The following XPR1 variants were observed in gnomAD, a reference collection of about 807,000 sequenced individuals.
The protein encoded by XPR1 is solute carrier family 53 member 1.
XPR1 carries 28 observed loss-of-function variants against 87.5 expected under a neutral mutation model. The observed-to-expected ratio is 0.32, with a 90% CI of 0.24 to 0.44. The LOEUF (loss-of-function observed/expected upper bound fraction) is 0.44, where lower values mean the gene tolerates loss of function less well. Among genes scored for constraint, XPR1 ranks in the 20% least tolerant of loss-of-function variants. The pLI is 1.00. For missense variants in XPR1, 559 were observed against 862.3 expected (o/e 0.65, Z 4.41); for synonymous variants, 300 against 306.1 (o/e 0.98, Z 0.21).
intron 2 of XPR1, among the ~76,000 whole-genome samples, chr1:180,774,854 T>C (rs1450387056): frequency 2.0e-5 from 3 of 152,210 alleles, no homozygotes; most frequent in African/African-American, 7.2e-5. Flanking sequence ...TTATTTCTCA[T>C]AGTTCTGGAG....
intron 2 of XPR1, among the ~76,000 whole-genome samples, chr1:180,739,137 C>A (rs1021653133): frequency 6.6e-6 from 1 of 152,126 alleles, no homozygotes; most frequent in Non-Finnish European, 1.5e-5. Context: ...GAGTCTCTCT[C>A]CCTTCTCCTT....
At chr1:180,659,365 TTCCGTCC>T (rs1655672879) in intron 1 of XPR1, among the ~76,000 whole-genome samples, 1 of 93,854 alleles carries the variant, frequency 1.1e-5, no homozygotes, top group Non-Finnish European at 2.2e-5. Context: ...CCTTCCGTCC[TTCCGTCC>T]GTCCTTCCGT....
intron 7 of XPR1, among the ~76,000 whole-genome samples, chr1:180,811,756 C>G (rs377360686): frequency 6.0e-4 from 91 of 152,108 alleles, no homozygotes; most frequent in African/African-American, 2.1e-3. Context: ...TATATAACTT[C>G]TATATAATTT....
At chr1:180,883,147 T>C (rs928107738) in intron 14 of XPR1, among the ~76,000 whole-genome samples, 1 of 149,992 alleles carries the variant, frequency 6.7e-6, no homozygotes, top group Non-Finnish European at 1.5e-5. Flanking sequence ...TTTTTTTTTT[T>C]TTAAGACAGG....
chr1:180,864,521 AAGGAGAAGGAGTGGCTG>A (rs1168602071), intron 12 of XPR1, among the ~76,000 whole-genome samples: 1 of 152,170 alleles, frequency 6.6e-6, no homozygotes, highest in Admixed American at 6.5e-5. Context: ...TGAAAAGACA[AAGGAGAAGGAGTGGCTG>A]ACTCTGCTTG....
At chr1:180,760,085 A>G (rs1228089888) in intron 2 of XPR1, among the ~76,000 whole-genome samples, 1 of 152,236 alleles carries the variant, frequency 6.6e-6, no homozygotes, top group Non-Finnish European at 1.5e-5. Context: ...AAAAACGCTC[A>G]ATAAAGTAGG....
intron 1 of XPR1, among the ~76,000 whole-genome samples, chr1:180,639,474 A>G (rs998323990): frequency 5.3e-5 from 8 of 152,238 alleles, no homozygotes; most frequent in Admixed American, 1.3e-4. Flanking sequence ...AAGACCTTGG[A>G]CCAGAAACCA....
At chr1:180,723,129 G>A (rs1183598107) in intron 2 of XPR1, among the ~76,000 whole-genome samples, 8 of 151,890 alleles carry the variant, frequency 5.3e-5, no homozygotes, top group East Asian at 1.9e-4. Context: ...TCCCCGTTTC[G>A]GCTTTGTTTG....
chr1:180,652,612 T>C (rs1425417894), intron 1 of XPR1, among the ~76,000 whole-genome samples: 2 of 152,238 alleles, frequency 1.3e-5, no homozygotes, highest in Admixed American at 6.5e-5. Context: ...AATAAATCAC[T>C]TATTTGAAAT....
chr1:180,752,139 A>G (rs1647557926), intron 2 of XPR1, among the ~76,000 whole-genome samples: 1 of 152,156 alleles, frequency 6.6e-6, no homozygotes, highest in East Asian at 1.9e-4. Context: ...TTATGGCATG[A>G]ATTGACACTC....
At chr1:180,848,974 G>A (rs1398557433) in intron 11 of XPR1, among the ~76,000 whole-genome samples, 1 of 152,138 alleles carries the variant, frequency 6.6e-6, no homozygotes, top group African/African-American at 2.4e-5. Context: ...TAGGTGCCAA[G>A]GAGATGTTTG....
At chr1:180,825,863 C>T (rs1234770300) in intron 9 of XPR1, among the ~76,000 whole-genome samples, 1 of 152,156 alleles carries the variant, frequency 6.6e-6, no homozygotes, top group Non-Finnish European at 1.5e-5. Context: ...CCAGCCTGAC[C>T]AACATGGTGA....
At chr1:180,739,980 G>A (rs1658864095) in intron 2 of XPR1, among the ~76,000 whole-genome samples, 1 of 151,986 alleles carries the variant, frequency 6.6e-6, no homozygotes, top group Admixed American at 6.6e-5. Context: ...CCAAAGTGCT[G>A]GGATTACAGG....
chr1:180,811,166 T>G (rs991390060), intron 6 of XPR1, among the ~76,000 whole-genome samples: 2 of 152,148 alleles, frequency 1.3e-5, no homozygotes, highest in African/African-American at 4.8e-5. Flanking sequence ...ATGCCTAAGA[T>G]TATAATCTTG....
intron 2 of XPR1, among the ~76,000 whole-genome samples, chr1:180,780,570 C>A (rs994297326): frequency 4.0e-5 from 6 of 151,834 alleles, no homozygotes; most frequent in African/African-American, 1.5e-4. Flanking sequence ...GCAAGAGTTC[C>A]ATCCTGGCTA....
chr1:180,711,276 A>T (rs1202477917), intron 2 of XPR1, among the ~76,000 whole-genome samples: 1 of 152,130 alleles, frequency 6.6e-6, no homozygotes, highest in Non-Finnish European at 1.5e-5. Flanking sequence ...TGGGAGGTGG[A>T]GGTTGTAGCC....
chr1:180,768,052 G>A (rs765761907), intron 2 of XPR1, among the ~76,000 whole-genome samples: 19 of 152,014 alleles, frequency 1.2e-4, no homozygotes, highest in Non-Finnish European at 2.6e-4. Flanking sequence ...CACTGTGTTA[G>A]CCAGGATGGT....
chr1:180,882,155 G>T (rs1652867378), intron 14 of XPR1, among the ~76,000 whole-genome samples: 1 of 152,166 alleles, frequency 6.6e-6, no homozygotes, highest in Non-Finnish European at 1.5e-5. Flanking sequence ...GGGGCTCTTT[G>T]GCAATAGATT....
chr1:180,744,052 A>AT (rs1659003755), intron 2 of XPR1, among the ~76,000 whole-genome samples: 3 of 152,092 alleles, frequency 2.0e-5, no homozygotes, highest in Non-Finnish European at 2.9e-5. Context: ...ATGTCTTAAG[A>AT]TTTTTTATGT....
Sources: allele counts gnomAD v4.1 joint callset (sites outside exome capture counted in the v4.1 genomes callset), GRCh38; gene constraint gnomAD v4.1.1; transcripts MANE v1.5; gene names NCBI Gene and HGNC (gene_info 2026-07-23, HGNC 2026-07-21).